NID1: variants seen among roughly 807,000 people sequenced by gnomAD.
NID1 encodes the protein nidogen-1.
NID1 carries 76 observed loss-of-function variants against 130.6 expected under a neutral mutation model. The observed-to-expected ratio is 0.58, with a 90% CI of 0.48 to 0.70. The LOEUF is 0.70. Among genes scored for constraint, NID1 ranks in the 30% least tolerant of loss-of-function variants. The probability of loss-of-function intolerance (pLI) is 0.00; values close to 1 mark genes in which losing one functional copy is unlikely to be tolerated. For missense variants in NID1, 1,517 were observed against 1,664.8 expected (o/e 0.91, Z 1.54); for synonymous variants, 665 against 675.1 (o/e 0.98, Z 0.23).
intron 1 of NID1, chr1:236,064,470 C>G: frequency 4.7e-6 from 1 of 213,836 alleles, no homozygotes; most frequent in South Asian, 7.4e-5. Flanking sequence ...GGAGGCTCCG[C>G]GCGAGAACCT....
At chr1:236,012,204 C>T (rs1658448132) in intron 11 of NID1, among the ~76,000 whole-genome samples, 161 bp from the exon 12 acceptor site, 1 of 152,174 alleles carries the variant, frequency 6.6e-6, no homozygotes, top group Non-Finnish European at 1.5e-5. Context: ...TCACTAACTC[C>T]CCAATATCTA....
At chr1:235,991,158 TACAC>T (rs2102799201) in intron 13 of NID1, 100 bp from the exon 14 acceptor site, 2 of 975,156 alleles carry the variant, frequency 2.1e-6, no homozygotes, top group Non-Finnish European at 2.9e-6. Flanking sequence ...TGCACACACA[TACAC>T]ACACCCACAC....
chr1:236,005,280 T>A (rs1270256258), intron 12 of NID1, among the ~76,000 whole-genome samples: 1 of 148,904 alleles, frequency 6.7e-6, no homozygotes, highest in Non-Finnish European at 1.5e-5. Context: ...TTGCAATGCT[T>A]TTTTTTTTTA....
At chr1:235,986,433 CA>C (rs5781855) in intron 14 of NID1, among the ~76,000 whole-genome samples, 120,175 of 148,146 alleles carry the variant, frequency 0.81, 48,730 homozygotes, top group African/African-American at 0.86. Flanking sequence ...GTGACAGCAT[CA>C]AAAAAAAAAA....
intron 1 of NID1, among the ~76,000 whole-genome samples, chr1:236,056,929 C>T (rs898681265): frequency 1.8e-4 from 28 of 152,084 alleles, no homozygotes; most frequent in Admixed American, 1.5e-3. Flanking sequence ...AAGTATTGCA[C>T]GGCAGTTACC....
rs148576957 is a variant in NID1, at chr1:236,038,143, C to A, written c.1246G>T (p.Ala416Ser). 27 of 1,608,680 alleles carry A rather than the reference C, an allele frequency of 1.7e-5. No homozygotes were observed. The highest frequency in any genetic ancestry group is 2.0e-5 in the Non-Finnish European group (24 of 1,175,770). ...YATGFCCSCV[A>S]GYTGNGRQCV... ...TGCCTGCCATTGCCCGTATAGCCAGCGACACAGCTGCAGCAGAAGCCCGTG... is the reference window on the plus strand; with the variant it reads ...TGCCTGCCATTGCCCGTATAGCCAGAGACACAGCTGCAGCAGAAGCCCGTG... The change falls in exon 5 of 20, where the codon GCT (alanine) becomes TCT (serine). Residue 416 changes from alanine to serine, a missense_variant. Around this residue, in one of 3 missense-constraint regions of NID1, gnomAD observed 1,329 missense variants for 1,429.2 expected, o/e 0.93. Coordinates refer to ENST00000264187, the MANE Select transcript of NID1 (RefSeq NM_002508.3).
intron 5 of NID1, 124 bp downstream of exon 5, chr1:236,037,980 C>T: frequency 8.8e-7 from 1 of 1,134,440 alleles, no homozygotes; most frequent in Non-Finnish European, 1.2e-6. Context: ...CCATGTATGG[C>T]TGCCATAAGA....
chr1:236,030,497 G>C (rs1572606843), intron 6 of NID1, among the ~76,000 whole-genome samples: 1 of 152,080 alleles, frequency 6.6e-6, no homozygotes, highest in Non-Finnish European at 1.5e-5. Context: ...GTATTTCATG[G>C]TATGTGAAAA....
In NID1 at chr1:236,048,693, G is replaced by A. The variant is rs1659680197; in HGVS notation, c.522C>T (p.Gly174=). 6.2e-7 allele frequency: 1 copy of A among 1,608,550 alleles called. No homozygotes were observed. The highest frequency in any genetic ancestry group is 8.5e-7 in the Non-Finnish European group (1 of 1,179,146). ...TTGGACCTGGAGGGGAGCTTACCTT[G>A]CCTTTCTGGTCTGGGTCCCTGCTGG... is the stretch of plus-strand genomic sequence containing the variant. ...QGPSRDPDQK[G]KRNTFQAVLA... Residue 174 remains glycine (G), a synonymous_variant, in exon 2 of 20, where the codon GGC becomes GGT. Transcript: ENST00000264187.
chr1:236,043,594 C>T (rs574925771), intron 3 of NID1, among the ~76,000 whole-genome samples: 13 of 152,030 alleles, frequency 8.6e-5, no homozygotes, highest in Non-Finnish European at 1.3e-4. Context: ...GTCAGGAGAT[C>T]GAGACCATCC....
intron 12 of NID1, among the ~76,000 whole-genome samples, chr1:235,994,215 T>C (rs1657855561): frequency 6.6e-6 from 1 of 152,202 alleles, no homozygotes; most frequent in African/African-American, 2.4e-5. Context: ...CAGGCTGGAG[T>C]GCAGTGGCAC....
chr1:236,035,262 C>A (rs1456241751), intron 5 of NID1, among the ~76,000 whole-genome samples: 3 of 99,614 alleles, frequency 3.0e-5, no homozygotes, highest in Non-Finnish European at 5.8e-5. Flanking sequence ...TTTGTTCTTG[C>A]GATAGTTTAC....
intron 2 of NID1, among the ~76,000 whole-genome samples, chr1:236,047,627 T>A (rs1476062524): frequency 6.6e-6 from 1 of 152,174 alleles, no homozygotes; most frequent in African/African-American, 2.4e-5. Context: ...AAATGATTCT[T>A]GTCTCCCCAA....
At chr1:235,981,842 T>C in intron 15 of NID1, 60 bp from the exon 16 acceptor site, 16 of 1,410,008 alleles carry the variant, frequency 1.1e-5, no homozygotes, top group African/African-American at 1.4e-5. Flanking sequence ...TGAGATGAGG[T>C]TTTTCTGAAT....
chr1:235,993,928 C>G, intron 12 of NID1, 56 bp from the exon 13 acceptor site: 1 of 1,521,912 alleles, frequency 6.6e-7, no homozygotes, highest in Non-Finnish European at 9.0e-7. Flanking sequence ...GTCAGCGCTC[C>G]CTGGCGGGGC....
At chr1:236,028,303 A>C (rs993298537) in intron 7 of NID1, among the ~76,000 whole-genome samples, 2 of 152,218 alleles carry the variant, frequency 1.3e-5, no homozygotes, top group Non-Finnish European at 2.9e-5. Context: ...TTTTATTTAA[A>C]TAAAAACTAT....
intron 9 of NID1, among the ~76,000 whole-genome samples, chr1:236,021,557 G>A (rs61833490): frequency 0.12 from 18,721 of 152,098 alleles, 1,616 homozygotes; most frequent in South Asian, 0.26. Context: ...CATTAGCTGC[G>A]GCTGCTGGAT....
At chr1:236,010,840 C>A (rs1004318452) in intron 12 of NID1, among the ~76,000 whole-genome samples, 7 of 152,180 alleles carry the variant, frequency 4.6e-5, no homozygotes, top group African/African-American at 1.7e-4. Flanking sequence ...AAATTTAAAT[C>A]TTAATCTGAT....
In NID1 at chr1:236,032,506, C is replaced by T. The variant is rs773379239; in HGVS notation, c.1432G>A (p.Glu478Lys). 1.1e-5 allele frequency: 18 copies of T among 1,614,032 alleles called. No individual in the cohort carries two copies. Among genetic ancestry groups the T allele is most frequent in the Admixed American group, 6.7e-5 (4 of 59,996 alleles). ...RSYTAISTIP[E>K]TVGYSLLPLA... Reference sequence around the variant, plus strand: ...GGAAGCAGAGAATATCCAACGGTCTCGGGAATGGTGCTGATGGCTGTGTAG... The same window carrying T: ...GGAAGCAGAGAATATCCAACGGTCTTGGGAATGGTGCTGATGGCTGTGTAG... Residue 478 changes from glutamate to lysine, a missense_variant, in exon 6 of 20, where the codon GAG becomes AAG. Physicochemically the swap from Glu to Lys is moderately conservative, Grantham distance 56. Coordinates refer to ENST00000264187, the MANE Select transcript of NID1 (RefSeq NM_002508.3).
Sources: gnomAD v4.1 joint callset for allele counts (sites outside exome capture counted in the v4.1 genomes callset) on GRCh38, gnomAD v4.1.1 for gene constraint, gnomAD v4.1.1 regional missense constraint, MANE v1.5 for transcripts, NCBI Gene and HGNC (gene_info 2026-07-23, HGNC 2026-07-21) for gene names.